Variants in MPP7 observed in about 807,000 individuals in gnomAD.
MPP7 encodes MAGUK p55 scaffold protein 7.
In MPP7, 60 loss-of-function variants were observed where a neutral mutation model predicts 76.5. That is an observed-to-expected ratio of 0.78 (90% CI 0.64 to 0.97). MPP7 has a LOEUF of 0.97. MPP7 is among the 50% of genes least tolerant of loss of function. MPP7 has a pLI of 0.00. For synonymous variants in MPP7, 237 were observed against 244.5 expected (o/e 0.97, Z 0.29); for missense variants, 641 against 694.0 (o/e 0.92, Z 0.86).
chr10:28,208,692 G>C (rs1838028232), intron 2 of MPP7, among the ~76,000 whole-genome samples: 1 of 152,184 alleles, frequency 6.6e-6, no homozygotes. Flanking sequence ...CGTCAGGCCA[G>C]CAGCAAAAGA....
intron 2 of MPP7, among the ~76,000 whole-genome samples, chr10:28,316,846 C>G (rs1427466864): frequency 6.6e-6 from 1 of 152,126 alleles, no homozygotes; most frequent in Non-Finnish European, 1.5e-5. Flanking sequence ...TCAGCTCTGT[C>G]CTCTGTCAGG....
chr10:28,173,736 G>A (rs1836765949), intron 3 of MPP7, among the ~76,000 whole-genome samples: 2 of 151,946 alleles, frequency 1.3e-5, no homozygotes, highest in African/African-American at 4.8e-5. Flanking sequence ...TCAACACCTA[G>A]GAAAAACACT....
At chr10:28,102,058 G>A (rs781023452) in intron 11 of MPP7, among the ~76,000 whole-genome samples, 4 of 149,924 alleles carry the variant, frequency 2.7e-5, no homozygotes, top group African/African-American at 9.9e-5. Context: ...CTTGACTTGC[G>A]GACATTCAAC....
At chr10:28,310,653 C>T in intron 2 of MPP7, among the ~76,000 whole-genome samples, 1 of 152,326 alleles carries the variant, frequency 6.6e-6, no homozygotes, top group South Asian at 2.1e-4. Context: ...TCAAATTATA[C>T]AAGCACTGAG....
chr10:28,213,426 TC>T (rs1333118683), intron 2 of MPP7, among the ~76,000 whole-genome samples: 1 of 152,092 alleles, frequency 6.6e-6, no homozygotes, highest in Non-Finnish European at 1.5e-5. Flanking sequence ...GAAGATTGTT[TC>T]GCTATTTTCA....
At chr10:28,223,524 T>C (rs1398057930) in intron 2 of MPP7, among the ~76,000 whole-genome samples, 1 of 152,240 alleles carries the variant, frequency 6.6e-6, no homozygotes, top group Non-Finnish European at 1.5e-5. Flanking sequence ...GTAGAGATTA[T>C]GTTTGTCAGA....
At chr10:28,250,959 A>G (rs1839594773) in intron 1 of MPP7, among the ~76,000 whole-genome samples, 1 of 152,228 alleles carries the variant, frequency 6.6e-6, no homozygotes, top group Admixed American at 6.5e-5. Context: ...TTCCTTTCAA[A>G]TTCAGTAGAG....
At chr10:28,188,376 G>GA (rs1487007506) in intron 3 of MPP7, among the ~76,000 whole-genome samples, 1 of 152,018 alleles carries the variant, frequency 6.6e-6, no homozygotes, top group Non-Finnish European at 1.5e-5. Flanking sequence ...TATCTTACCT[G>GA]AAAAAAGTGT....
At chr10:28,098,350 A>G (rs1853662741) in intron 11 of MPP7, among the ~76,000 whole-genome samples, 1 of 151,932 alleles carries the variant, frequency 6.6e-6, no homozygotes, top group East Asian at 1.9e-4. Flanking sequence ...TCATACTTAC[A>G]CTATGAGTTT....
chr10:28,144,770 C>T (rs1452818075), intron 5 of MPP7, among the ~76,000 whole-genome samples: 1 of 152,126 alleles, frequency 6.6e-6, no homozygotes, highest in African/African-American at 2.4e-5. Context: ...TAGCGCCATT[C>T]CTATGTATCC....
chr10:28,059,825 T>C, intron 13 of MPP7, 82 bp from the exon 14 acceptor site: 2 of 929,132 alleles, frequency 2.2e-6, no homozygotes, highest in Non-Finnish European at 1.7e-6. Context: ...CAAGGGTATT[T>C]AATTAGTTTT....
chr10:28,213,077 A>T (rs1195476230), intron 2 of MPP7, among the ~76,000 whole-genome samples: 1 of 151,920 alleles, frequency 6.6e-6, no homozygotes, highest in Admixed American at 6.6e-5. Context: ...GTAGCTGAGA[A>T]TATAGGCATG....
chr10:28,167,248 T>C (rs549029007), intron 3 of MPP7, among the ~76,000 whole-genome samples: 2 of 151,724 alleles, frequency 1.3e-5, no homozygotes, highest in African/African-American at 4.8e-5. Flanking sequence ...GAGGTGGAGG[T>C]TGCAGTGAGC....
intron 1 of MPP7, among the ~76,000 whole-genome samples, chr10:28,275,939 T>C (rs1840480629): frequency 6.6e-6 from 1 of 151,906 alleles, no homozygotes; most frequent in Non-Finnish European, 1.5e-5. Context: ...TATCTCATAA[T>C]CATTATACCT....
At chr10:28,245,181 C>A (rs992757576) in intron 1 of MPP7, among the ~76,000 whole-genome samples, 1 of 152,148 alleles carries the variant, frequency 6.6e-6, no homozygotes, top group African/African-American at 2.4e-5. Flanking sequence ...TTGTTGGGGG[C>A]AGAGAAGAGT....
chr10:28,093,443 CTTTT>C (rs1294264349), intron 11 of MPP7, among the ~76,000 whole-genome samples: 4 of 138,590 alleles, frequency 2.9e-5, no homozygotes, highest in Non-Finnish European at 4.7e-5. Flanking sequence ...TTTTACTTTC[CTTTT>C]TTTTTTTTTT....
At chr10:28,233,357 A>G (rs1259312024) in intron 2 of MPP7, among the ~76,000 whole-genome samples, 1 of 152,196 alleles carries the variant, frequency 6.6e-6, no homozygotes, top group Non-Finnish European at 1.5e-5. Context: ...GTGTTTACGC[A>G]TGGGTTAACT....
upstream of MPP7, chr10:28,307,433 A>G (rs1841265248): frequency 6.6e-6 from 1 of 152,142 alleles, no homozygotes; most frequent in Non-Finnish European, 1.5e-5. Context: ...CAAATCTATG[A>G]GTGTCAGTGA....
At chr10:28,165,251 C>A (rs978012755) in intron 3 of MPP7, among the ~76,000 whole-genome samples, 12 of 152,136 alleles carry the variant, frequency 7.9e-5, no homozygotes, top group African/African-American at 2.4e-4. Flanking sequence ...ATTGATTGGG[C>A]ACTGTGGCTC....
Sources: gnomAD v4.1 joint callset for allele counts (sites outside exome capture counted in the v4.1 genomes callset) on GRCh38, gnomAD v4.1.1 for gene constraint, MANE v1.5 for transcripts, NCBI Gene and HGNC (gene_info 2026-07-23, HGNC 2026-07-21) for gene names.